APAF1: variants seen among roughly 807,000 people sequenced by gnomAD.
APAF1 encodes apoptotic protease-activating factor 1.
APAF1 carries 91 observed loss-of-function variants against 152.4 expected under a neutral mutation model. The observed-to-expected ratio is 0.60, with a 90% CI of 0.50 to 0.71. The LOEUF is 0.71. Among genes scored for constraint, APAF1 ranks in the 30% least tolerant of loss-of-function variants. APAF1 has a pLI of 0.00. For synonymous variants in APAF1, 484 were observed against 494.1 expected (o/e 0.98, Z 0.27); for missense variants, 1,283 against 1,472.0 (o/e 0.87, Z 2.10).
At chr12:98,697,182 C>T (rs2097710841) in intron 16 of APAF1, among the ~76,000 whole-genome samples, 1 of 152,166 alleles carries the variant, frequency 6.6e-6, no homozygotes, top group Admixed American at 6.5e-5. Context: ...AATTCTCTGT[C>T]TTAAGCTGGT....
intron 4 of APAF1, among the ~76,000 whole-genome samples, chr12:98,653,018 A>G (rs553018950): frequency 1.3e-5 from 2 of 151,712 alleles, no homozygotes; most frequent in South Asian, 4.1e-4. Flanking sequence ...ATGTAGTCAA[A>G]CTAATCAGTT....
Position 98,703,436 on chromosome 12 carries a change from G to A in APAF1, c.2532G>A (p.Gln844=). Residue 844 remains glutamine, a synonymous_variant, in exon 18 of 27, where the codon CAG becomes CAA. Transcript: ENST00000551964. The stretch of plus-strand genomic sequence containing the variant: ...ACACGGGCCATCACAGCACCATCCA[G>A]TACTGTGACTTCTCCCCACAAAACC... The part of the protein sequence containing the change: ...EIHTGHHSTI[Q]YCDFSPQNHL... 6.2e-7 allele frequency: 1 copy of A among 1,614,138 alleles called. No homozygotes were observed. Among genetic ancestry groups the A allele is most frequent in the Non-Finnish European group, 8.5e-7 (1 of 1,180,024 alleles).
intron 16 of APAF1, among the ~76,000 whole-genome samples, chr12:98,694,909 G>A (rs1225967394): frequency 6.8e-6 from 1 of 147,992 alleles, no homozygotes; most frequent in Non-Finnish European, 1.5e-5. Context: ...CAGTCTTGGT[G>A]TGTTGCCCAG....
intron 12 of APAF1, among the ~76,000 whole-genome samples, chr12:98,675,583 G>A (rs1450983862): frequency 6.6e-6 from 1 of 152,110 alleles, no homozygotes; most frequent in Admixed American, 6.6e-5. Flanking sequence ...TCCTAAACAC[G>A]ATGGTATTAC....
At chr12:98,707,055 A>G (rs894134644) in intron 19 of APAF1, among the ~76,000 whole-genome samples, 3 of 152,018 alleles carry the variant, frequency 2.0e-5, no homozygotes, top group African/African-American at 7.2e-5. Context: ...CTCTGCCACA[A>G]GTCTTCTTTC....
At chr12:98,707,204 C>G (rs1438917224) in intron 19 of APAF1, among the ~76,000 whole-genome samples, 1 of 152,154 alleles carries the variant, frequency 6.6e-6, no homozygotes, top group Non-Finnish European at 1.5e-5. Flanking sequence ...TTAAGCTTCT[C>G]CACAGCATGG....
At position 98,665,720 on chromosome 12, in the gene APAF1, C is replaced by T; in HGVS notation, c.1123C>T (p.Leu375Phe). Residue 375 changes from leucine to phenylalanine, a missense_variant, in exon 8 of 27, where the codon CTC (leucine) becomes TTC (phenylalanine). Coordinates refer to ENST00000551964, the MANE Select transcript of APAF1 (RefSeq NM_181861.2). ...AGCCATGTCTATAAGTGTTGAAATG[C>T]TCAGAGAAGACATCAAAGATTATTA... ...DEAMSISVEM[L>F]REDIKDYYTD... 1.2e-6 allele frequency: 2 copies of T among 1,614,048 alleles called. No individual in the cohort carries two copies. The highest frequency in any genetic ancestry group is 1.7e-6 in the Non-Finnish European group (2 of 1,179,982).
intron 16 of APAF1, 129 bp from the exon 17 acceptor site, chr12:98,699,279 C>T: frequency 2.2e-6 from 2 of 922,172 alleles, no homozygotes; most frequent in South Asian, 3.2e-5. Context: ...TACAAAAAGT[C>T]ATGCATAGGT....
intron 18 of APAF1, among the ~76,000 whole-genome samples, chr12:98,704,289 C>T (rs2097718981): frequency 6.6e-6 from 1 of 152,140 alleles, no homozygotes; most frequent in Non-Finnish European, 1.5e-5. Context: ...TTTTTCCAGG[C>T]TTTCTTAGTC....
At chr12:98,661,905 C>T (rs201838716) in intron 5 of APAF1, among the ~76,000 whole-genome samples, 1 of 151,842 alleles carries the variant, frequency 6.6e-6, no homozygotes, top group East Asian at 1.9e-4. Context: ...TGGGAACTGG[C>T]ATAGAGGTTC....
chr12:98,681,753 C>G (rs952780028), intron 14 of APAF1, among the ~76,000 whole-genome samples: 1 of 152,110 alleles, frequency 6.6e-6, no homozygotes, highest in African/African-American at 2.4e-5. Flanking sequence ...CCACTGAGGG[C>G]AGTTCTAAAG....
chr12:98,723,675 T>A lies in APAF1; in HGVS notation c.3241T>A (p.Phe1081Ile). 1 of 1,607,822 alleles carries A rather than the reference T, an allele frequency of 6.2e-7. No individual in the cohort carries two copies. Among genetic ancestry groups the A allele is most frequent in the South Asian group, 1.1e-5 (1 of 90,786 alleles). The change falls in exon 24 of 27, where the codon TTT (phenylalanine) becomes ATT (isoleucine). Residue 1081 changes from phenylalanine to isoleucine, a missense_variant. Coordinates refer to ENST00000551964, the MANE Select transcript of APAF1 (RefSeq NM_181861.2). ...NIITGNKEKD[F>I]VCHQGTVLSC... Reference sequence around the variant, plus strand: ...TATTACTGGAAATAAAGAAAAAGACTTTGTCTGTCACCAGGGTACAGTACT... The same window carrying A: ...TATTACTGGAAATAAAGAAAAAGACATTGTCTGTCACCAGGGTACAGTACT...
intron 4 of APAF1, among the ~76,000 whole-genome samples, chr12:98,652,429 C>T (rs2097650135): frequency 6.6e-6 from 1 of 152,096 alleles, no homozygotes; most frequent in African/African-American, 2.4e-5. Flanking sequence ...TTTTACTTTG[C>T]ATTTCTCTGG....
At chr12:98,666,559 G>A (rs1052015556) in intron 9 of APAF1, among the ~76,000 whole-genome samples, 1 of 152,066 alleles carries the variant, frequency 6.6e-6, no homozygotes, top group African/African-American at 2.4e-5. Context: ...ACTAACCTAC[G>A]TGTTCTTTTT....
chr12:98,720,923 C>T lies in APAF1; in HGVS notation c.3085-2270C>T, dbSNP rs548411644. Reference sequence around the variant, plus strand: ...CGAAGCTTGCAGTGAGCTGAGATCCCGCCACTACACTCCAGCCTGGGCGAC... The same window carrying T: ...CGAAGCTTGCAGTGAGCTGAGATCCTGCCACTACACTCCAGCCTGGGCGAC... On this transcript the variant is annotated intron_variant, in intron 22 of 26. Coordinates refer to ENST00000551964, the MANE Select transcript of APAF1 (RefSeq NM_181861.2). Among the ~76,000 whole-genome samples the T allele has an allele frequency of 3.6e-4, 54 of 151,828 alleles. No individual in the cohort carries two copies. In the South Asian group the frequency reaches 4.6e-3, roughly 13 times the overall value.
intron 15 of APAF1, among the ~76,000 whole-genome samples, chr12:98,684,959 C>T (rs73378423): frequency 1.3e-5 from 2 of 152,304 alleles, no homozygotes; most frequent in African/African-American, 4.8e-5. Flanking sequence ...GATTCTTGAG[C>T]AGAGAGAAGC....
rs1189137784 is a variant in APAF1 at position 98,683,285 on chromosome 12, A to G, written c.2178+11A>G. ...GACTGCTTCCTCAAAGTAAGTGTGG[A>G]TATTGAGAATTAGGTAGATAAATTT... On this transcript the variant is annotated intron_variant, in intron 15 of 26. Transcript: ENST00000551964. 2.5e-6 allele frequency: 4 copies of G among 1,613,264 alleles called. No individual in the cohort carries two copies. The Admixed American group carries it at 6.7e-5, about 27-fold the overall frequency.
intron 4 of APAF1, among the ~76,000 whole-genome samples, chr12:98,656,264 G>A (rs2097657489): frequency 6.6e-6 from 1 of 152,176 alleles, no homozygotes; most frequent in Admixed American, 6.5e-5. Context: ...ACAATTCGGA[G>A]TAAATTTTTC....
At chr12:98,692,794 A>G in intron 16 of APAF1, among the ~76,000 whole-genome samples, 1 of 152,034 alleles carries the variant, frequency 6.6e-6, no homozygotes, top group Non-Finnish European at 1.5e-5. Context: ...CCTTCCGTTG[A>G]TGGGCACCTA....
Sources: allele counts gnomAD v4.1 joint callset (sites outside exome capture counted in the v4.1 genomes callset), GRCh38; gene constraint gnomAD v4.1.1; transcripts MANE v1.5; gene names NCBI Gene and HGNC (gene_info 2026-07-23, HGNC 2026-07-21).